The following MAPRE2 variants were observed in gnomAD, a reference collection of about 807,000 sequenced individuals.
The protein encoded by MAPRE2 is microtubule-associated protein RP/EB family member 2.
Under a neutral mutation model 43.2 loss-of-function variants are expected in MAPRE2, and 13 were observed. The ratio of observed to expected loss-of-function variants is 0.30; its 90% CI spans 0.20 to 0.48. MAPRE2 has a LOEUF of 0.48. MAPRE2 is among the 20% of genes least tolerant of loss of function. The probability of loss-of-function intolerance (pLI) is 0.99; values close to 1 mark genes in which losing one functional copy is unlikely to be tolerated. For synonymous variants in MAPRE2, 135 were observed against 148.8 expected (o/e 0.91, Z 0.68); for missense variants, 161 against 400.2 (o/e 0.40, Z 5.10).
intron 4 of MAPRE2, among the ~76,000 whole-genome samples, chr18:35,113,542 C>A (rs75581697): frequency 6.6e-6 from 1 of 152,052 alleles, no homozygotes; most frequent in Non-Finnish European, 1.5e-5. Context: ...CTTTGCAACT[C>A]AGAATCTGAA....
chr18:35,072,622 A>T (rs1183914796), intron 2 of MAPRE2, among the ~76,000 whole-genome samples: 1 of 152,256 alleles, frequency 6.6e-6, no homozygotes. Context: ...AGCAATATAC[A>T]TAATCTTTGC....
intron 1 of MAPRE2, 98 bp from the exon 2 acceptor site, chr18:35,070,097 T>C: frequency 2.1e-6 from 2 of 948,630 alleles, no homozygotes; most frequent in Non-Finnish European, 1.5e-6. Flanking sequence ...GACTTTTACA[T>C]GCCCTGGAGT....
intron 2 of MAPRE2, among the ~76,000 whole-genome samples, chr18:35,090,706 T>C (rs1908102514): frequency 7.2e-6 from 1 of 139,168 alleles, no homozygotes; most frequent in South Asian, 2.2e-4. Context: ...CACTCCAGCC[T>C]GGGAGACAGA....
At chr18:35,131,672 T>C (rs1051194997) in intron 5 of MAPRE2, among the ~76,000 whole-genome samples, 3 of 152,178 alleles carry the variant, frequency 2.0e-5, no homozygotes, top group Non-Finnish European at 4.4e-5. Context: ...TTTGAGGAGA[T>C]ACAAACTTTC....
intron 4 of MAPRE2, among the ~76,000 whole-genome samples, chr18:35,108,877 G>A (rs552900831): frequency 1.4e-4 from 22 of 151,980 alleles, no homozygotes; most frequent in South Asian, 6.2e-4. Flanking sequence ...ATATTAGACC[G>A]TTGTCAGATG....
intron 3 of MAPRE2, among the ~76,000 whole-genome samples, chr18:35,098,956 C>T (rs944060482): frequency 4.6e-5 from 7 of 152,162 alleles, no homozygotes; most frequent in Non-Finnish European, 1.0e-4. Flanking sequence ...TCCAAAAGTA[C>T]GGTGAGAGAC....
intron 6 of MAPRE2, among the ~76,000 whole-genome samples, chr18:35,139,249 C>T (rs1018005426): frequency 6.6e-6 from 1 of 152,156 alleles, no homozygotes; most frequent in East Asian, 1.9e-4. Context: ...AGCCAGCGTG[C>T]CAGGTGTGCG....
In MAPRE2 at chr18:34,993,992, CTT is replaced by C. The variant is rs11301716; in HGVS notation, c.-69-11480_-69-11479del. Among the ~76,000 whole-genome samples the C allele has an allele frequency of 3.8e-3, 460 of 119,996 alleles. 3 individuals are homozygous for C. Among genetic ancestry groups the C allele is most frequent in the African/African-American group, 0.012 (401 of 33,148 alleles). The allele number at this position is 119,996 out of a possible 152,430, so 78.7% of individuals were successfully genotyped here. On this transcript the variant is annotated intron_variant, in intron 1 of 7. Transcript: ENST00000413393. ...GAGGAAAAACTGAGGCATGGATTTT[CTT>C]TTTTTTTTTTTTTTTTTTTACTGAA...
At chr18:34,985,007 ATT>A (rs1319524769) in intron 1 of MAPRE2, among the ~76,000 whole-genome samples, 1 of 72,124 alleles carries the variant, frequency 1.4e-5, no homozygotes, top group Non-Finnish European at 2.4e-5. Context: ...TATATAATAT[ATT>A]TTATGTTATA....
intron 1 of MAPRE2, among the ~76,000 whole-genome samples, chr18:34,993,565 A>G (rs1169898909): frequency 2.0e-5 from 3 of 152,216 alleles, no homozygotes; most frequent in Admixed American, 6.5e-5. Flanking sequence ...GCTTGTGAGT[A>G]TAGAAAGACC....
At chr18:34,992,872 C>G (rs1387016979) in intron 1 of MAPRE2, among the ~76,000 whole-genome samples, 1 of 152,184 alleles carries the variant, frequency 6.6e-6, no homozygotes, top group Non-Finnish European at 1.5e-5. Context: ...CCTGAGCTCA[C>G]GTTTCCCTGT....
At chr18:35,133,845 G>T (rs888029718) in intron 6 of MAPRE2, among the ~76,000 whole-genome samples, 1 of 152,102 alleles carries the variant, frequency 6.6e-6, no homozygotes, top group Non-Finnish European at 1.5e-5. Context: ...TTTCCAGGGG[G>T]TCTACCTAGA....
intron 2 of MAPRE2, among the ~76,000 whole-genome samples, chr18:35,032,481 C>A (rs2097048278): frequency 6.6e-6 from 1 of 152,154 alleles, no homozygotes; most frequent in Non-Finnish European, 1.5e-5. Context: ...AATCCCTGTT[C>A]TAGATGAACC....
rs1437201505 is a variant in MAPRE2 at position 35,126,076 on chromosome 18, A to G, written c.611-872A>G. Among the ~76,000 whole-genome samples, 4 of 152,212 alleles carry G rather than the reference A, an allele frequency of 2.6e-5. No homozygotes were observed. The East Asian group carries it at 7.7e-4, about 29-fold the overall frequency. ...TAGTTCCAGCATTTCTTGCATATTT[A>G]GTGGCTGCCAGTGTTCCTTAAAAAG... On this transcript the variant is annotated intron_variant, in intron 4 of 6. Coordinates refer to ENST00000300249, the MANE Select transcript of MAPRE2 (RefSeq NM_014268.4).
At chr18:35,137,981 G>A (rs1275838234) in intron 6 of MAPRE2, among the ~76,000 whole-genome samples, 2 of 152,224 alleles carry the variant, frequency 1.3e-5, no homozygotes, top group African/African-American at 4.8e-5. Flanking sequence ...GATGAGAGGA[G>A]AGCACTGGCT....
chr18:35,059,087 G>A (rs1235083697), intron 1 of MAPRE2, among the ~76,000 whole-genome samples: 1 of 152,206 alleles, frequency 6.6e-6, no homozygotes, highest in Non-Finnish European at 1.5e-5. Context: ...TAGGCATGTG[G>A]AAAGTTTTCA....
At chr18:35,041,279 T>C (rs970044864), upstream of MAPRE2, 9 of 1,356,222 alleles carry the variant, frequency 6.6e-6, no homozygotes, top group Admixed American at 9.3e-5. Flanking sequence ...CCTGTGCGAA[T>C]TGAGGCGAGG....
intron 4 of MAPRE2, among the ~76,000 whole-genome samples, chr18:35,116,814 T>C (rs2042124895): frequency 6.6e-6 from 1 of 152,316 alleles, no homozygotes; most frequent in South Asian, 2.1e-4. Flanking sequence ...TCACGGGTCT[T>C]ACATACACTC....
chr18:35,097,645 G>A, intron 3 of MAPRE2, 54 bp downstream of exon 3: 2 of 1,519,566 alleles, frequency 1.3e-6, no homozygotes, highest in Non-Finnish European at 1.8e-6. Context: ...AATTGTTTTT[G>A]TGCATAAATG....
Sources: allele counts gnomAD v4.1 joint callset (sites outside exome capture counted in the v4.1 genomes callset), GRCh38; gene constraint gnomAD v4.1.1; transcripts MANE v1.5; gene names NCBI Gene and HGNC (gene_info 2026-07-23, HGNC 2026-07-21).